The following ZBTB20 variants were observed in gnomAD, a reference collection of about 807,000 sequenced individuals.
The protein encoded by ZBTB20 is zinc finger and BTB domain-containing protein 20.
Under a neutral mutation model 56.9 loss-of-function variants are expected in ZBTB20, and 9 were observed. The ratio of observed to expected loss-of-function variants is 0.16; its 90% CI spans 0.10 to 0.28. ZBTB20 has a LOEUF of 0.28. ZBTB20 is among the 10% of genes least tolerant of loss of function. The pLI, the probability that ZBTB20 is intolerant of heterozygous loss-of-function variation, is 1.00. For synonymous variants in ZBTB20, 417 were observed against 420.7 expected (o/e 0.99, Z 0.11); for missense variants, 655 against 1,003.0 (o/e 0.65, Z 4.69).
At chr3:115,063,140 A>G (rs1398874795) in intron 2 of ZBTB20, among the ~76,000 whole-genome samples, 1 of 152,202 alleles carries the variant, frequency 6.6e-6, no homozygotes, top group Admixed American at 6.5e-5. Context: ...ATGTCAAGGT[A>G]TAACTCTAAT....
intron 4 of ZBTB20, among the ~76,000 whole-genome samples, chr3:114,895,857 G>C (rs2074855773): frequency 6.6e-6 from 1 of 152,094 alleles, no homozygotes; most frequent in Non-Finnish European, 1.5e-5. Flanking sequence ...AGGAAAGCTT[G>C]AGGCTTAGTA....
intron 1 of ZBTB20, among the ~76,000 whole-genome samples, chr3:115,090,735 C>T (rs1553893047): frequency 6.6e-6 from 1 of 151,732 alleles, no homozygotes; most frequent in Non-Finnish European, 1.5e-5. Context: ...TATATATTAA[C>T]TTAATTAATC....
Position 114,948,230 on chromosome 3 carries a change from T to TA in ZBTB20, c.-456+26135dup, listed in dbSNP as rs139707773. Among the ~76,000 whole-genome samples the TA allele has an allele frequency of 4.0e-4, 56 of 138,942 alleles. 2 individuals carry two copies. The highest frequency in any genetic ancestry group is 2.7e-4 in the African/African-American group (9 of 33,186). The allele number at this position is 138,942 out of a possible 152,430, so 91.2% of individuals were successfully genotyped here. A position where few individuals can be genotyped will look rare whatever the true frequency, so the allele number is the denominator to read the frequency against. On this transcript the variant is annotated intron_variant, in intron 3 of 11. Transcript: ENST00000675478. ...ATGTATGTGAATATTCCTTATGATT[T>TA]AAAAAAAAAACAAAACAGACAACAC...
intron 6 of ZBTB20, chr3:114,520,198 G>GT: frequency 6.6e-6 from 1 of 152,244 alleles, no homozygotes; most frequent in East Asian, 1.9e-4. Context: ...CTCTCTCACT[G>GT]TTTAACAGGA....
At chr3:114,702,957 C>G (rs1270810154) in intron 5 of ZBTB20, among the ~76,000 whole-genome samples, 2 of 150,058 alleles carry the variant, frequency 1.3e-5, no homozygotes, top group Admixed American at 1.3e-4. Flanking sequence ...CCATTTTATT[C>G]AAACAATGCA....
chr3:114,936,753 C>T (rs760490008), intron 3 of ZBTB20, among the ~76,000 whole-genome samples: 2 of 152,110 alleles, frequency 1.3e-5, no homozygotes, highest in Non-Finnish European at 2.9e-5. Flanking sequence ...AGAGGCACTG[C>T]AGTGGGAGTG....
intron 7 of ZBTB20, among the ~76,000 whole-genome samples, chr3:114,439,439 T>A (rs939633755): frequency 6.6e-6 from 1 of 152,204 alleles, no homozygotes; most frequent in South Asian, 2.1e-4. Context: ...TTTCTTATTA[T>A]GCTAAGTTGA....
intron 4 of ZBTB20, among the ~76,000 whole-genome samples, chr3:114,859,295 CCTT>C (rs1359592367): frequency 1.4e-5 from 2 of 147,652 alleles, no homozygotes; most frequent in South Asian, 2.2e-4. Flanking sequence ...TTTCTTCCTT[CCTT>C]CTTTCCTTCC....
intron 5 of ZBTB20, among the ~76,000 whole-genome samples, chr3:114,757,244 G>A (rs2068071625): frequency 6.6e-6 from 1 of 152,098 alleles, no homozygotes; most frequent in South Asian, 2.1e-4. Context: ...TTAAATCAGA[G>A]AGAAAGGATT....
chr3:114,340,903 A>G (rs1412685880), intron 11 of ZBTB20, among the ~76,000 whole-genome samples: 7 of 152,238 alleles, frequency 4.6e-5, no homozygotes, highest in Admixed American at 1.3e-4. Flanking sequence ...ATTATGAAAT[A>G]GGAGAGCTTT....
intron 1 of ZBTB20, among the ~76,000 whole-genome samples, chr3:115,096,716 C>A (rs1157515769): frequency 1.3e-5 from 2 of 152,202 alleles, no homozygotes; most frequent in African/African-American, 4.8e-5. Context: ...GGCGGCATGA[C>A]CGGCCACTGC....
chr3:114,384,195 T>C (rs950229119), intron 8 of ZBTB20, among the ~76,000 whole-genome samples: 49 of 151,346 alleles, frequency 3.2e-4, no homozygotes, highest in African/African-American at 1.2e-3. Context: ...TCTCTCTCTG[T>C]TAAAATTATA....
At chr3:114,924,295 A>G (rs2076070374) in intron 3 of ZBTB20, among the ~76,000 whole-genome samples, 8 of 152,228 alleles carry the variant, frequency 5.3e-5, no homozygotes, top group Admixed American at 5.2e-4. Context: ...CAAAAGATGG[A>G]AACTACCTAA....
At chr3:114,987,502 G>T (rs995653474) in intron 2 of ZBTB20, among the ~76,000 whole-genome samples, 2 of 152,174 alleles carry the variant, frequency 1.3e-5, no homozygotes, top group East Asian at 1.9e-4. Context: ...ATCACAAAAC[G>T]TTGCAATATT....
At chr3:114,932,991 G>A (rs879767223) in intron 3 of ZBTB20, among the ~76,000 whole-genome samples, 3 of 152,048 alleles carry the variant, frequency 2.0e-5, no homozygotes, top group Admixed American at 1.3e-4. Context: ...ATGTAAAGAC[G>A]CTCAGACTAG....
At chr3:115,087,517 A>T (rs2083031771) in intron 1 of ZBTB20, among the ~76,000 whole-genome samples, 2 of 151,950 alleles carry the variant, frequency 1.3e-5, no homozygotes, top group Admixed American at 1.3e-4. Flanking sequence ...GTTAAAAGAC[A>T]GTAGCCAAAG....
intron 2 of ZBTB20, among the ~76,000 whole-genome samples, chr3:115,058,112 AC>A (rs1229835510): frequency 6.6e-6 from 1 of 151,810 alleles, no homozygotes; most frequent in Non-Finnish European, 1.5e-5. Flanking sequence ...TGATTAAATT[AC>A]CTCCCACCGG....
chr3:114,817,126 C>G (rs1286856277), intron 4 of ZBTB20, among the ~76,000 whole-genome samples: 1 of 151,912 alleles, frequency 6.6e-6, no homozygotes. Flanking sequence ...AAGAATATGA[C>G]TCCGTGTGTG....
intron 4 of ZBTB20, among the ~76,000 whole-genome samples, chr3:114,837,646 G>A (rs1244826319): frequency 1.3e-5 from 2 of 152,082 alleles, no homozygotes; most frequent in African/African-American, 2.4e-5. Flanking sequence ...GAGCAATCCG[G>A]GAGAGAGTGA....
Sources: allele counts gnomAD v4.1 joint callset (sites outside exome capture counted in the v4.1 genomes callset), GRCh38; gene constraint gnomAD v4.1.1; transcripts MANE v1.5; gene names NCBI Gene and HGNC (gene_info 2026-07-23, HGNC 2026-07-21).